SPIDR: variants seen among roughly 807,000 people sequenced by gnomAD.
SPIDR encodes scaffold protein involved in DNA repair.
A neutral mutation model predicts 104.6 loss-of-function variants in SPIDR; 93 were observed. That is an observed-to-expected ratio of 0.89 (90% CI 0.75 to 1.06). The LOEUF (loss-of-function observed/expected upper bound fraction) is 1.06. Among genes scored for constraint, SPIDR ranks in the 50% least tolerant of loss-of-function variants. SPIDR has a pLI of 0.00. For synonymous variants in SPIDR, 431 were observed against 416.9 expected (o/e 1.03, Z -0.41); for missense variants, 1,154 against 1,111.2 (o/e 1.04, Z -0.55).
At position 47,293,885 on chromosome 8, in the gene SPIDR, A is replaced by G; in HGVS notation, c.380A>G (p.Asp127Gly). The change falls in exon 5 of 20, where the codon GAC becomes GGC. Residue 127 changes from aspartate (D) to glycine (G), a missense_variant. Transcript: ENST00000297423. ...TTTTTAGATGAATTACAGTTTATCG[A>G]CTGGGAGATTGACAGTGACAGGGCA... is the stretch of plus-strand genomic sequence containing the variant. ...QLQRDELQFI[D>G]WEIDSDRAEA... The G allele has an allele frequency of 6.2e-7, 1 of 1,609,952 alleles. No homozygotes were observed. The highest frequency in any genetic ancestry group is 1.1e-5 in the South Asian group (1 of 90,100).
chr8:47,421,817 T>C (rs2065523933), intron 7 of SPIDR, among the ~76,000 whole-genome samples: 1 of 152,236 alleles, frequency 6.6e-6, no homozygotes, highest in African/African-American at 2.4e-5. Context: ...GTTTGTTAAT[T>C]TTCCTTCTAA....
At chr8:47,654,586 T>C (rs1308050023) in intron 10 of SPIDR, among the ~76,000 whole-genome samples, 2 of 152,210 alleles carry the variant, frequency 1.3e-5, no homozygotes, top group East Asian at 1.9e-4. Flanking sequence ...CTACGAAATA[T>C]AGATGCACTC....
chr8:47,402,295 C>T (rs2154317501), intron 6 of SPIDR, among the ~76,000 whole-genome samples: 1 of 152,246 alleles, frequency 6.6e-6, no homozygotes, highest in South Asian at 2.1e-4. Context: ...ATTAACAGAA[C>T]TAGAGAAGCA....
In SPIDR at chr8:47,333,022, A is replaced by G. The variant is rs920226133; in HGVS notation, c.525+38992A>G. The stretch of plus-strand genomic sequence containing the variant: ...TAGTTTAATTAGATCCCATTTGTCA[A>G]TTTTGTCTTTTGTTGCCATTGCTTT... On this transcript the variant is annotated intron_variant, in intron 5 of 19. Coordinates refer to ENST00000297423, the MANE Select transcript of SPIDR (RefSeq NM_001080394.4). 2.6e-5 allele frequency among the ~76,000 whole-genome samples: 4 copies of G among 151,810 alleles called. No individual in the cohort carries two copies. The East Asian group carries it at 7.8e-4, about 30-fold the overall frequency.
At chr8:47,396,344 A>T in intron 5 of SPIDR, 32 bp from the exon 6 acceptor site, 1 of 1,515,116 alleles carries the variant, frequency 6.6e-7, no homozygotes, top group Non-Finnish European at 9.1e-7. Context: ...CTTTGTATTT[A>T]AAAATATGCC....
chr8:47,584,659 C>A (rs546163196), intron 8 of SPIDR, among the ~76,000 whole-genome samples: 1 of 152,316 alleles, frequency 6.6e-6, no homozygotes, highest in South Asian at 2.1e-4. Context: ...TACACACATA[C>A]ACTTTACCTA....
intron 5 of SPIDR, among the ~76,000 whole-genome samples, chr8:47,387,825 T>G (rs1563813810): frequency 6.6e-6 from 1 of 152,236 alleles, no homozygotes; most frequent in Non-Finnish European, 1.5e-5. Context: ...GTCTTCCAAG[T>G]TCATGCTCCT....
chr8:47,410,473 G>A (rs1456126712), intron 7 of SPIDR, among the ~76,000 whole-genome samples: 4 of 152,020 alleles, frequency 2.6e-5, no homozygotes, highest in African/African-American at 9.7e-5. Context: ...GAGCCATCAT[G>A]CCCAGTCACT....
chr8:47,573,670 G>A (rs2058765485), intron 8 of SPIDR, among the ~76,000 whole-genome samples: 1 of 152,216 alleles, frequency 6.6e-6, no homozygotes, highest in Non-Finnish European at 1.5e-5. Flanking sequence ...TCTGGTAGCT[G>A]TAGAGATGCA....
At chr8:47,290,103 G>A (rs376641150) in intron 3 of SPIDR, among the ~76,000 whole-genome samples, 1 of 151,844 alleles carries the variant, frequency 6.6e-6, no homozygotes, top group African/African-American at 2.4e-5. Context: ...GCAGTGGCTC[G>A]ATCTCAGCTC....
At chr8:47,719,096 T>C (rs375922650) in intron 16 of SPIDR, among the ~76,000 whole-genome samples, 1 of 152,000 alleles carries the variant, frequency 6.6e-6, no homozygotes, top group East Asian at 1.9e-4. Flanking sequence ...GCACCATTGG[T>C]TTGCCAATGA....
intron 5 of SPIDR, among the ~76,000 whole-genome samples, chr8:47,302,480 G>T (rs889728720): frequency 2.6e-5 from 4 of 152,124 alleles, no homozygotes; most frequent in Non-Finnish European, 5.9e-5. Context: ...TTGTTCCGTT[G>T]CTGGTGAGGA....
intron 3 of SPIDR, among the ~76,000 whole-genome samples, chr8:47,285,353 A>G (rs2038632990): frequency 6.6e-6 from 1 of 152,208 alleles, no homozygotes; most frequent in South Asian, 2.1e-4. Context: ...TTATGAAGTA[A>G]ACTAGTACAC....
At chr8:47,496,451 TG>T (rs1351218533) in intron 8 of SPIDR, among the ~76,000 whole-genome samples, 2 of 152,204 alleles carry the variant, frequency 1.3e-5, no homozygotes, top group Non-Finnish European at 2.9e-5. Flanking sequence ...TCTATTTAGA[TG>T]ATTATGTCAC....
chr8:47,658,182 G>A (rs2073280359), intron 10 of SPIDR, among the ~76,000 whole-genome samples: 1 of 152,100 alleles, frequency 6.6e-6, no homozygotes, highest in Admixed American at 6.6e-5. Flanking sequence ...ACTTTGGGAG[G>A]CCGAGGCGGG....
At chr8:47,595,383 C>T (rs1473160815) in intron 8 of SPIDR, among the ~76,000 whole-genome samples, 1 of 152,186 alleles carries the variant, frequency 6.6e-6, no homozygotes, top group African/African-American at 2.4e-5. Context: ...AGTTTGATAG[C>T]AAAGGTAGAT....
At chr8:47,410,482 CTT>C (rs1157807447) in intron 7 of SPIDR, among the ~76,000 whole-genome samples, 1 of 152,042 alleles carries the variant, frequency 6.6e-6, no homozygotes, top group African/African-American at 2.4e-5. Context: ...TGCCCAGTCA[CTT>C]TTTCTTCTAT....
At chr8:47,539,970 G>T (rs1431943494) in intron 8 of SPIDR, among the ~76,000 whole-genome samples, 1 of 152,068 alleles carries the variant, frequency 6.6e-6, no homozygotes, top group Non-Finnish European at 1.5e-5. Flanking sequence ...ATATTCTGTG[G>T]CCCTGAGAGA....
intron 5 of SPIDR, among the ~76,000 whole-genome samples, chr8:47,295,239 A>G (rs1159604735): frequency 6.6e-6 from 1 of 152,114 alleles, no homozygotes; most frequent in Non-Finnish European, 1.5e-5. Context: ...GCTGTTTTTA[A>G]TGGCTGTTTT....
Sources: gnomAD v4.1 joint callset for allele counts (sites outside exome capture counted in the v4.1 genomes callset) on GRCh38, gnomAD v4.1.1 for gene constraint, MANE v1.5 for transcripts, NCBI Gene and HGNC (gene_info 2026-07-23, HGNC 2026-07-21) for gene names.